LRRC38: variants seen among roughly 807,000 people sequenced by gnomAD.
LRRC38 encodes the protein leucine-rich repeat-containing protein 38.
Under a neutral mutation model 16.4 loss-of-function variants are expected in LRRC38, and 5 were observed. The ratio of observed to expected loss-of-function variants is 0.31; its 90% CI spans 0.16 to 0.64. The LOEUF is 0.64. Among genes scored for constraint, LRRC38 ranks in the 30% least tolerant of loss-of-function variants. The pLI is 0.80. For synonymous variants in LRRC38, 191 were observed against 190.2 expected (o/e 1.00, Z -0.04); for missense variants, 341 against 401.8 (o/e 0.85, Z 1.29).
At chr1:13,509,270 C>T (rs11576472) in intron 1 of LRRC38, among the ~76,000 whole-genome samples, 6,742 of 152,214 alleles carry the variant, frequency 0.044, 191 homozygotes, top group East Asian at 0.079. Flanking sequence ...TCAGGCCACA[C>T]GTGGCTGCAG....
At chr1:13,504,996 A>G (rs1639195637) in intron 1 of LRRC38, among the ~76,000 whole-genome samples, 1 of 152,060 alleles carries the variant, frequency 6.6e-6, no homozygotes. Flanking sequence ...CTGGGGCTTG[A>G]CTGTTCAGGA....
At chr1:13,498,891 A>C (rs72866330) in intron 1 of LRRC38, among the ~76,000 whole-genome samples, 12,324 of 152,136 alleles carry the variant, frequency 0.081, 846 homozygotes, top group East Asian at 0.29. Context: ...TGTAGGAAGA[A>C]TGTGTTCCAG....
chr1:13,493,893 T>C (rs996309825), intron 1 of LRRC38, among the ~76,000 whole-genome samples: 1 of 152,100 alleles, frequency 6.6e-6, no homozygotes, highest in Non-Finnish European at 1.5e-5. Flanking sequence ...TGAAACCCCA[T>C]CTCTACTAAA....
intron 1 of LRRC38, among the ~76,000 whole-genome samples, chr1:13,482,072 C>T (rs1397312911): frequency 2.0e-5 from 3 of 152,126 alleles, no homozygotes; most frequent in African/African-American, 7.2e-5. Flanking sequence ...TATTAAATGG[C>T]TTCCTTTAAT....
chr1:13,487,500 G>T lies in LRRC38; in HGVS notation c.632-11401C>A, dbSNP rs541511833. Among the ~76,000 whole-genome samples, 24 of 152,144 alleles carry T rather than the reference G, an allele frequency of 1.6e-4. No homozygotes were observed. The highest frequency in any genetic ancestry group is 2.8e-4 in the Non-Finnish European group (19 of 68,026). ...CCAAAGTGGGCTCCGTCTCATTCTG[G>T]CCTAGGCAGAACAGGGCCCACAGCG... On this transcript the variant is annotated intron_variant, in intron 1 of 1. Coordinates refer to ENST00000376085, the MANE Select transcript of LRRC38 (RefSeq NM_001010847.2). This position sits in a 1 kb window ranked among gnomAD's most constrained non-coding sequence, Gnocchi z 4.4.
At chr1:13,499,115 G>A (rs1639117094) in intron 1 of LRRC38, among the ~76,000 whole-genome samples, 1 of 151,702 alleles carries the variant, frequency 6.6e-6, no homozygotes, top group African/African-American at 2.4e-5. Flanking sequence ...TTGTTTTTTT[G>A]AGACAGAGTC....
intron 1 of LRRC38, among the ~76,000 whole-genome samples, chr1:13,483,929 TGGGGAGGGGAGGAGC>T (rs1553134839): frequency 6.1e-5 from 1 of 16,276 alleles, no homozygotes; most frequent in Non-Finnish European, 1.2e-4. Flanking sequence ...AGGAGAGGAG[TGGGGAGGGGAGGAGC>T]GGGGAGGGGA....
At chr1:13,484,335 GT>G (rs945709803) in intron 1 of LRRC38, among the ~76,000 whole-genome samples, 81 of 151,308 alleles carry the variant, frequency 5.4e-4, no homozygotes, top group African/African-American at 1.8e-3. Context: ...TTTATTTTCT[GT>G]CCCCCTGCTC....
chr1:13,481,602 A>C (rs553265863), intron 1 of LRRC38, among the ~76,000 whole-genome samples: 6 of 151,358 alleles, frequency 4.0e-5, no homozygotes, highest in Admixed American at 6.6e-5. Flanking sequence ...TCACCGTGTT[A>C]GCCAGGATTG....
At chr1:13,492,093 G>A (rs1294072761) in intron 1 of LRRC38, among the ~76,000 whole-genome samples, 1 of 152,080 alleles carries the variant, frequency 6.6e-6, no homozygotes, top group East Asian at 1.9e-4. Flanking sequence ...CTGAAACTCT[G>A]TCCGCATTAA....
At chr1:13,493,385 G>A (rs1639041405) in intron 1 of LRRC38, among the ~76,000 whole-genome samples, 1 of 152,150 alleles carries the variant, frequency 6.6e-6, no homozygotes, top group African/African-American at 2.4e-5. Context: ...CACAGGTGGA[G>A]AAGACCTCGC....
chr1:13,485,284 A>AAAAAAAAAAAAAAAAAC (rs1638917582), intron 1 of LRRC38, among the ~76,000 whole-genome samples: 1 of 150,080 alleles, frequency 6.7e-6, no homozygotes, highest in African/African-American at 2.5e-5. Context: ...CCTTAAAAAA[A>AAAAAAAAAAAAAAAAAC]AAAAAAAAAA....
chr1:13,493,309 G>A (rs1034571791), intron 1 of LRRC38, among the ~76,000 whole-genome samples: 11 of 152,092 alleles, frequency 7.2e-5, no homozygotes, highest in Non-Finnish European at 1.0e-4. Context: ...GTTGTGGTAC[G>A]GGGAAGTGAC....
intron 1 of LRRC38, among the ~76,000 whole-genome samples, chr1:13,507,009 A>G (rs1639220914): frequency 6.6e-6 from 1 of 152,320 alleles, no homozygotes; most frequent in South Asian, 2.1e-4. Context: ...CCACTGTCTT[A>G]TGTTGTTCAG....
At chr1:13,496,731 C>T (rs1639084836) in intron 1 of LRRC38, among the ~76,000 whole-genome samples, 1 of 152,034 alleles carries the variant, frequency 6.6e-6, no homozygotes, top group African/African-American at 2.4e-5. Context: ...CAGACGAGGC[C>T]CTGCTCTTGT....
intron 1 of LRRC38, among the ~76,000 whole-genome samples, chr1:13,511,134 C>A (rs2940305): frequency 0.41 from 61,646 of 152,042 alleles, 14,505 homozygotes; most frequent in Middle Eastern, 0.59. Context: ...TCTTTCCTAT[C>A]TGAGTCCAGT....
At chr1:13,511,619 A>C (rs1439698773) in intron 1 of LRRC38, among the ~76,000 whole-genome samples, 2 of 152,112 alleles carry the variant, frequency 1.3e-5, no homozygotes, top group Non-Finnish European at 2.9e-5. Flanking sequence ...GGAAAGGCAG[A>C]AGCAAGCAGA....
intron 1 of LRRC38, among the ~76,000 whole-genome samples, chr1:13,498,747 C>T (rs1279808446): frequency 1.3e-5 from 2 of 152,228 alleles, no homozygotes; most frequent in South Asian, 2.1e-4. Flanking sequence ...TTATCCCCTG[C>T]AGGTGTTTCC....
Position 13,513,517 on chromosome 1 carries a change from T to G in LRRC38, c.77A>C (p.His26Pro). 1 of 1,441,404 alleles carries G rather than the reference T, an allele frequency of 6.9e-7. No individual in the cohort carries two copies. The highest frequency in any genetic ancestry group is 9.1e-7 in the Non-Finnish European group (1 of 1,098,580). 89.3% of individuals were successfully genotyped at this position (1,441,404 alleles called of 1,614,324 possible). A position where few individuals can be genotyped will look rare whatever the true frequency, so the allele number is the denominator to read the frequency against. Residue 26 changes from histidine (H) to proline (P), a missense_variant, in exon 1 of 2, where the codon CAC (histidine) becomes CCC (proline). Transcript: ENST00000376085. ...GCAGGCGCAGCCCGCGGGGCACGCG[T>G]GCCCGGGCGCGAGCAGCAGCAGAAG... is the stretch of plus-strand genomic sequence containing the variant. The part of the protein sequence containing the change: ...CSLLLLLAPG[H>P]ACPAGCACTD...
Sources: gnomAD v4.1 joint callset for allele counts (sites outside exome capture counted in the v4.1 genomes callset) on GRCh38, gnomAD v4.1.1 for gene constraint, Gnocchi (gnomAD v3.1) non-coding constraint, MANE v1.5 for transcripts, NCBI Gene and HGNC (gene_info 2026-07-23, HGNC 2026-07-21) for gene names.